Variants in CTNNA2 observed in about 807,000 individuals in gnomAD.
CTNNA2 encodes the protein catenin alpha 2, also known as catenin alpha-2.
CTNNA2 carries 42 observed loss-of-function variants against 101.0 expected under a neutral mutation model. The observed-to-expected ratio is 0.42, with a 90% CI of 0.32 to 0.54. The LOEUF is 0.54. Ranked by LOEUF, CTNNA2 falls within the 20% of genes least tolerant of loss-of-function variation. CTNNA2 has a pLI of 0.14. For synonymous variants in CTNNA2, 450 were observed against 456.4 expected (o/e 0.99, Z 0.18); for missense variants, 871 against 1,223.1 (o/e 0.71, Z 4.29).
chr2:79,443,370 G>T (rs943803383), intron 4 of CTNNA2, among the ~76,000 whole-genome samples: 3 of 152,134 alleles, frequency 2.0e-5, no homozygotes, highest in African/African-American at 7.2e-5. Flanking sequence ...CCCAGCTCAA[G>T]AAGAGACAGA....
rs1023695992 is a variant in CTNNA2 at position 80,437,094 on chromosome 2, C to T, written c.1290+17493C>T. On this transcript the variant is annotated intron_variant, in intron 9 of 18. Transcript: ENST00000402739. ...ACCTTCTGTGAGGACACTTAGAAGG[C>T]ACCATCTATGAGGAAAAGGCCCTCA... Among the ~76,000 whole-genome samples the T allele has an allele frequency of 2.0e-5, 3 of 152,154 alleles. No individual in the cohort carries two copies. In the East Asian group the frequency reaches 5.8e-4, roughly 29 times the overall value.
chr2:79,632,243 T>G (rs540954848), intron 1 of CTNNA2, among the ~76,000 whole-genome samples: 9 of 152,240 alleles, frequency 5.9e-5, no homozygotes, highest in African/African-American at 2.2e-4. Flanking sequence ...TATAACCACT[T>G]TGTAAAATTG....
At chr2:80,570,295 C>T (rs905226224) in intron 12 of CTNNA2, among the ~76,000 whole-genome samples, 1 of 152,206 alleles carries the variant, frequency 6.6e-6, no homozygotes, top group African/African-American at 2.4e-5. Flanking sequence ...GTGATCCACC[C>T]ACCTTGGCTT....
chr2:80,185,945 TA>T (rs1014566635), intron 7 of CTNNA2, among the ~76,000 whole-genome samples: 6 of 152,110 alleles, frequency 3.9e-5, no homozygotes, highest in Non-Finnish European at 8.8e-5. Flanking sequence ...GCCATATAAG[TA>T]AAAAAGAGTG....
At chr2:79,536,686 T>TTTTTCTTTTC (rs70940037) in intron 1 of CTNNA2, among the ~76,000 whole-genome samples, 35,413 of 139,712 alleles carry the variant, frequency 0.25, 4,719 homozygotes, top group East Asian at 0.29. Flanking sequence ...ATGGATTTTT[T>TTTTTCTTTTC]TTTTCTTTTC....
rs367875013 is a variant in CTNNA2 at position 80,371,902 on chromosome 2, G to A, written c.1057-21309G>A. On this transcript the variant is annotated intron_variant, in intron 7 of 18. Transcript: ENST00000402739. ...TATTAGAGGTAATGATTAAATAATG[G>A]ACTTGATTTTCACAGAGTGAAACTG... 1.7e-4 allele frequency among the ~76,000 whole-genome samples: 26 copies of A among 152,190 alleles called. No homozygotes were observed. In the East Asian group the frequency reaches 4.5e-3, roughly 26 times the overall value.
At position 79,326,981 on chromosome 2, in the gene CTNNA2, T is replaced by A. The variant is rs1338755004; in HGVS notation, c.-318+14185T>A. 2.6e-5 allele frequency among the ~76,000 whole-genome samples: 4 copies of A among 152,168 alleles called. No individual in the cohort carries two copies. The East Asian group carries it at 7.7e-4, about 29-fold the overall frequency. ...TGGGCTCCCATCTGGCTCAAGAAGA[T>A]GTTAACTGTGTAATTTCAACACAAC... is the stretch of plus-strand genomic sequence containing the variant. On this transcript the variant is annotated intron_variant, in intron 3 of 21. Coordinates refer to the CTNNA2 transcript ENST00000466387.
intron 2 of CTNNA2, among the ~76,000 whole-genome samples, chr2:79,720,892 T>C (rs1686439084): frequency 6.6e-6 from 1 of 152,082 alleles, no homozygotes; most frequent in Non-Finnish European, 1.5e-5. Flanking sequence ...CTAGGACTTA[T>C]TTCCCACTTT....
At chr2:79,852,344 G>A (rs1458777055) in intron 3 of CTNNA2, among the ~76,000 whole-genome samples, 6 of 152,142 alleles carry the variant, frequency 3.9e-5, no homozygotes, top group African/African-American at 1.4e-4. Flanking sequence ...TAGCAAAAAT[G>A]TTGACAATGT....
intron 18 of CTNNA2, among the ~76,000 whole-genome samples, chr2:80,643,440 A>G (rs1315584103): frequency 2.6e-5 from 4 of 152,214 alleles, no homozygotes; most frequent in Non-Finnish European, 5.9e-5. Context: ...AAAACAGCAC[A>G]TGGTCTAATT....
intron 1 of CTNNA2, among the ~76,000 whole-genome samples, chr2:79,594,704 C>G (rs1383608831): frequency 3.9e-5 from 6 of 152,066 alleles, no homozygotes; most frequent in African/African-American, 1.4e-4. Flanking sequence ...CTTCCTGTTT[C>G]TTTCTGCCTC....
intron 9 of CTNNA2, among the ~76,000 whole-genome samples, chr2:80,463,523 A>G (rs1052236130): frequency 2.0e-5 from 3 of 152,114 alleles, no homozygotes; most frequent in Admixed American, 6.6e-5. Flanking sequence ...AGTTATTAGG[A>G]TGGATTTCCT....
intron 7 of CTNNA2, among the ~76,000 whole-genome samples, chr2:80,122,267 C>T (rs567393892): frequency 5.3e-5 from 8 of 151,616 alleles, no homozygotes; most frequent in Admixed American, 1.3e-4. Flanking sequence ...CTGTTTCCCT[C>T]TCTTTCTTTG....
chr2:80,398,875 A>G (rs977778314), intron 8 of CTNNA2, among the ~76,000 whole-genome samples: 2 of 151,894 alleles, frequency 1.3e-5, no homozygotes, highest in African/African-American at 4.8e-5. Context: ...TCAAAAAAAA[A>G]GAAAGAAAGA....
At chr2:79,213,791 G>A (rs1051555147) in intron 2 of CTNNA2, among the ~76,000 whole-genome samples, 1 of 152,154 alleles carries the variant, frequency 6.6e-6, no homozygotes. Context: ...ATAGCTGAAG[G>A]AGCCAGGAAG....
At chr2:80,043,316 G>C (rs1696303377) in intron 7 of CTNNA2, among the ~76,000 whole-genome samples, 1 of 150,594 alleles carries the variant, frequency 6.6e-6, no homozygotes, top group African/African-American at 2.4e-5. Context: ...TCATGCCTCA[G>C]CCTCCTGAGT....
At chr2:79,729,980 A>G (rs1187417704) in intron 2 of CTNNA2, among the ~76,000 whole-genome samples, 1 of 152,184 alleles carries the variant, frequency 6.6e-6, no homozygotes, top group Non-Finnish European at 1.5e-5. Context: ...TGTCCTGCAT[A>G]CTGTAATAAA....
chr2:80,444,534 G>A (rs2149446610), intron 9 of CTNNA2, among the ~76,000 whole-genome samples: 1 of 152,210 alleles, frequency 6.6e-6, no homozygotes, highest in Non-Finnish European at 1.5e-5. Context: ...ATGAATTGTG[G>A]GATGTTGATA....
intron 7 of CTNNA2, among the ~76,000 whole-genome samples, chr2:79,954,757 G>A (rs1689111454): frequency 6.6e-6 from 1 of 152,182 alleles, no homozygotes; most frequent in African/African-American, 2.4e-5. Flanking sequence ...GAGATGCAAA[G>A]TATATGCCAG....
Sources: allele counts gnomAD v4.1 joint callset (sites outside exome capture counted in the v4.1 genomes callset), GRCh38; gene constraint gnomAD v4.1.1; transcripts MANE v1.5; gene names NCBI Gene and HGNC (gene_info 2026-07-23, HGNC 2026-07-21).